Variants in EDIL3 observed in about 807,000 individuals in gnomAD.
EDIL3 encodes the protein EGF-like repeat and discoidin I-like domain-containing protein 3.
In EDIL3, 37 loss-of-function variants were observed where a neutral mutation model predicts 67.4. That is an observed-to-expected ratio of 0.55 (90% CI 0.42 to 0.72). EDIL3 has a LOEUF of 0.72. EDIL3 is among the 30% of genes least tolerant of loss of function. The pLI is 0.00. For missense variants in EDIL3, 527 were observed against 586.3 expected (o/e 0.90, Z 1.04); for synonymous variants, 195 against 196.3 (o/e 0.99, Z 0.05).
chr5:84,073,551 C>G (rs530213020), intron 6 of EDIL3, among the ~76,000 whole-genome samples: 2 of 152,090 alleles, frequency 1.3e-5, no homozygotes, highest in African/African-American at 4.8e-5. Context: ...TAAACACCAA[C>G]AACAGACAAA....
chr5:84,060,582 G>T, intron 8 of EDIL3, 98 bp from the exon 9 acceptor site: 1 of 1,265,014 alleles, frequency 7.9e-7, no homozygotes, highest in Non-Finnish European at 1.1e-6. Context: ...TAAACATAAT[G>T]CTATTCATTC....
intron 3 of EDIL3, among the ~76,000 whole-genome samples, chr5:84,225,757 A>C (rs895487896): frequency 3.3e-5 from 5 of 151,610 alleles, no homozygotes; most frequent in African/African-American, 1.2e-4. Flanking sequence ...CTGTGTGCCT[A>C]TAGAATTAAA....
At chr5:84,329,096 T>C (rs1470106244) in intron 1 of EDIL3, among the ~76,000 whole-genome samples, 1 of 152,074 alleles carries the variant, frequency 6.6e-6, no homozygotes, top group Non-Finnish European at 1.5e-5. Flanking sequence ...TGCAAAAGTG[T>C]GTATCTGCTT....
At chr5:83,997,608 G>A (rs777010078) in intron 9 of EDIL3, among the ~76,000 whole-genome samples, 14 of 152,166 alleles carry the variant, frequency 9.2e-5, no homozygotes, top group East Asian at 1.9e-4. Flanking sequence ...TCTAGTAACC[G>A]TTTACTACAT....
chr5:84,021,318 T>C (rs1745709859), intron 9 of EDIL3, among the ~76,000 whole-genome samples: 1 of 151,952 alleles, frequency 6.6e-6, no homozygotes, highest in Non-Finnish European at 1.5e-5. Flanking sequence ...TTAGATTGTT[T>C]ATTTAAAACC....
intron 1 of EDIL3, among the ~76,000 whole-genome samples, chr5:84,299,329 C>T (rs1038958297): frequency 7.0e-6 from 1 of 142,362 alleles, no homozygotes; most frequent in Non-Finnish European, 1.6e-5. Flanking sequence ...TTTTAGGACT[C>T]TCAGCATTAT....
chr5:84,159,162 C>T (rs192639429), intron 4 of EDIL3, among the ~76,000 whole-genome samples: 204 of 152,144 alleles, frequency 1.3e-3, no homozygotes, highest in African/African-American at 3.9e-3. Context: ...TACAAATTCA[C>T]GGGTGAAAAC....
intron 1 of EDIL3, among the ~76,000 whole-genome samples, chr5:84,287,215 A>C (rs994906072): frequency 3.9e-5 from 6 of 152,192 alleles, no homozygotes; most frequent in Non-Finnish European, 8.8e-5. Context: ...AATATATAGT[A>C]ATCTAATTTC....
At chr5:84,345,956 G>A (rs1747229235) in intron 1 of EDIL3, among the ~76,000 whole-genome samples, 1 of 152,072 alleles carries the variant, frequency 6.6e-6, no homozygotes, top group South Asian at 2.1e-4. Context: ...ACTGAAGCAG[G>A]TGAGTCAAGA....
chr5:84,176,989 T>C (rs1748928824), intron 4 of EDIL3, among the ~76,000 whole-genome samples: 1 of 152,148 alleles, frequency 6.6e-6, no homozygotes, highest in African/African-American at 2.4e-5. Context: ...CATGCATTGC[T>C]GCTAAGGATA....
chr5:84,130,980 A>C (rs1314939040), intron 5 of EDIL3, among the ~76,000 whole-genome samples: 1 of 152,102 alleles, frequency 6.6e-6, no homozygotes, highest in Admixed American at 6.6e-5. Flanking sequence ...ATTATACCTA[A>C]CATCTACACT....
At chr5:84,025,201 C>T (rs973595058) in intron 9 of EDIL3, among the ~76,000 whole-genome samples, 3 of 152,122 alleles carry the variant, frequency 2.0e-5, no homozygotes, top group African/African-American at 7.2e-5. Flanking sequence ...CAGCATTTTC[C>T]TCTAGTCCAG....
intron 4 of EDIL3, among the ~76,000 whole-genome samples, chr5:84,140,844 A>C (rs1346635515): frequency 6.6e-6 from 1 of 152,148 alleles, no homozygotes; most frequent in Non-Finnish European, 1.5e-5. Context: ...GTAATACACA[A>C]GCTTAGAAGA....
intron 7 of EDIL3, among the ~76,000 whole-genome samples, chr5:84,065,824 T>C (rs1746629368): frequency 6.6e-6 from 1 of 151,818 alleles, no homozygotes; most frequent in Non-Finnish European, 1.5e-5. Flanking sequence ...CATTAAGGAG[T>C]GCGTTAATCA....
intron 9 of EDIL3, among the ~76,000 whole-genome samples, chr5:83,966,879 C>T (rs1744700052): frequency 6.6e-6 from 1 of 152,056 alleles, no homozygotes; most frequent in East Asian, 1.9e-4. Context: ...AAATGGGTGA[C>T]TAGCTTGTTC....
chr5:84,318,610 A>G (rs1173114861), intron 1 of EDIL3, among the ~76,000 whole-genome samples: 1 of 152,244 alleles, frequency 6.6e-6, no homozygotes, highest in Admixed American at 6.5e-5. Flanking sequence ...CCACATGCAG[A>G]AAGCTGAAAC....
intron 3 of EDIL3, among the ~76,000 whole-genome samples, chr5:84,184,108 GAAACAACAACAACA>G (rs1256784824): frequency 9.9e-5 from 15 of 152,086 alleles, no homozygotes; most frequent in African/African-American, 3.1e-4. Context: ...CTCCATCTCA[GAAACAACAACAACA>G]AAACAACAAC....
intron 1 of EDIL3, among the ~76,000 whole-genome samples, chr5:84,370,780 A>C (rs1034742645): frequency 6.6e-6 from 1 of 152,170 alleles, no homozygotes; most frequent in Non-Finnish European, 1.5e-5. Context: ...TTAATAATGT[A>C]CCATTTGTAC....
intron 5 of EDIL3, among the ~76,000 whole-genome samples, chr5:84,127,908 C>A (rs1747895268): frequency 6.6e-6 from 1 of 152,070 alleles, no homozygotes; most frequent in South Asian, 2.1e-4. Context: ...TCCTTAACTA[C>A]AATATGCATT....
Sources: gnomAD v4.1 joint callset for allele counts (sites outside exome capture counted in the v4.1 genomes callset) on GRCh38, gnomAD v4.1.1 for gene constraint, MANE v1.5 for transcripts, NCBI Gene and HGNC (gene_info 2026-07-23, HGNC 2026-07-21) for gene names.